Variants in CDYL observed in about 807,000 individuals in gnomAD.
CDYL encodes the protein chromodomain Y-like protein.
A neutral mutation model predicts 47.3 loss-of-function variants in CDYL; 8 were observed. The observed-to-expected ratio is 0.17, with a 90% confidence interval of 0.10 to 0.31. The LOEUF (loss-of-function observed/expected upper bound fraction) is 0.31. Among genes scored for constraint, CDYL ranks in the 10% least tolerant of loss-of-function variants. The pLI is 1.00. For synonymous variants in CDYL, 266 were observed against 265.0 expected (o/e 1.00, Z -0.04); for missense variants, 471 against 701.4 (o/e 0.67, Z 3.71).
chr6:4,890,939 G>A (rs1762024712), intron 1 of CDYL, among the ~76,000 whole-genome samples: 2 of 152,196 alleles, frequency 1.3e-5, no homozygotes, highest in African/African-American at 4.8e-5. Flanking sequence ...TCGTTCATGT[G>A]AGTAGCGGAA....
chr6:4,950,964 G>A (rs1305206519), intron 5 of CDYL, among the ~76,000 whole-genome samples: 1 of 150,764 alleles, frequency 6.6e-6, no homozygotes, highest in African/African-American at 2.4e-5. Context: ...AAACCCTCAT[G>A]AGGAGCCTGT....
intron 3 of CDYL, among the ~76,000 whole-genome samples, chr6:4,741,525 A>T (rs918716946): frequency 3.9e-5 from 6 of 152,152 alleles, no homozygotes; most frequent in African/African-American, 1.4e-4. Context: ...ATAGTTCCAG[A>T]TGCTTGCTGA....
At chr6:4,735,710 G>A (rs919101597) in intron 3 of CDYL, among the ~76,000 whole-genome samples, 3 of 152,016 alleles carry the variant, frequency 2.0e-5, no homozygotes, top group African/African-American at 4.8e-5. Flanking sequence ...AGGTTGCGGC[G>A]AGCTGAGATC....
chr6:4,806,570 A>G (rs779306032), intron 1 of CDYL, among the ~76,000 whole-genome samples: 2 of 152,224 alleles, frequency 1.3e-5, no homozygotes, highest in African/African-American at 4.8e-5. Context: ...AAACCGGGAA[A>G]GTCTTTGGGA....
intron 2 of CDYL, among the ~76,000 whole-genome samples, chr6:4,897,300 AT>A (rs771241883): frequency 1.3e-5 from 2 of 152,244 alleles, no homozygotes; most frequent in African/African-American, 2.4e-5. Context: ...TGGCTTTTGG[AT>A]TTCATATTGA....
intron 2 of CDYL, among the ~76,000 whole-genome samples, chr6:4,716,808 G>C (rs930662112): frequency 6.6e-6 from 1 of 152,082 alleles, no homozygotes; most frequent in Non-Finnish European, 1.5e-5. Flanking sequence ...GGAGCAAGGT[G>C]CTTCAGGGTG....
intron 1 of CDYL, among the ~76,000 whole-genome samples, chr6:4,802,535 C>T (rs1414849970): frequency 6.6e-6 from 1 of 151,846 alleles, no homozygotes; most frequent in African/African-American, 2.4e-5. Flanking sequence ...TGAGACCCTA[C>T]CTCAAAAAAA....
chr6:4,859,636 T>A (rs966241757), intron 1 of CDYL, among the ~76,000 whole-genome samples: 3 of 152,224 alleles, frequency 2.0e-5, no homozygotes, highest in Non-Finnish European at 4.4e-5. Flanking sequence ...TTCTGCACAC[T>A]TGCTAAAGTT....
At chr6:4,907,104 G>T (rs1757261766) in intron 2 of CDYL, among the ~76,000 whole-genome samples, 1 of 152,212 alleles carries the variant, frequency 6.6e-6, no homozygotes, top group Admixed American at 6.5e-5. Context: ...AATCTTCAGA[G>T]TTGCACATTA....
At chr6:4,950,016 G>A (rs571802208) in intron 5 of CDYL, among the ~76,000 whole-genome samples, 25 of 152,244 alleles carry the variant, frequency 1.6e-4, no homozygotes, top group East Asian at 7.7e-4. Context: ...GCCTGGAGCC[G>A]GCGGGGCTGT....
chr6:4,869,113 C>G (rs570167042), intron 1 of CDYL, among the ~76,000 whole-genome samples: 1 of 141,258 alleles, frequency 7.1e-6, no homozygotes, highest in Non-Finnish European at 1.5e-5. Context: ...TTTTTTTTTT[C>G]GAGACGGAGT....
chr6:4,894,661 G>A (rs1762143945), intron 2 of CDYL, among the ~76,000 whole-genome samples: 1 of 152,042 alleles, frequency 6.6e-6, no homozygotes, highest in Admixed American at 6.5e-5. Context: ...CGTTGGCCAG[G>A]CTGGTCTCAA....
chr6:4,727,288 A>G (rs912549190), intron 2 of CDYL, among the ~76,000 whole-genome samples: 1 of 152,176 alleles, frequency 6.6e-6, no homozygotes, highest in African/African-American at 2.4e-5. Context: ...AGTTTGTCCA[A>G]AAGTGTCATA....
intron 2 of CDYL, among the ~76,000 whole-genome samples, chr6:4,902,251 A>G (rs1279102934): frequency 6.6e-6 from 1 of 151,428 alleles, no homozygotes; most frequent in African/African-American, 2.4e-5. Flanking sequence ...AAAAAAAAAT[A>G]CAAAATTAGC....
At chr6:4,794,907 G>A (rs1759027558) in intron 1 of CDYL, among the ~76,000 whole-genome samples, 1 of 151,898 alleles carries the variant, frequency 6.6e-6, no homozygotes, top group Admixed American at 6.6e-5. Flanking sequence ...TTGAAAAACT[G>A]TAATTTCTTT....
At chr6:4,746,549 G>C (rs1045812064) in intron 3 of CDYL, among the ~76,000 whole-genome samples, 8 of 152,156 alleles carry the variant, frequency 5.3e-5, no homozygotes, top group Non-Finnish European at 1.0e-4. Flanking sequence ...GAGGTGGAGA[G>C]ACCAGAGCTT....
chr6:4,907,495 T>C (rs144688311), intron 2 of CDYL, among the ~76,000 whole-genome samples: 2 of 152,274 alleles, frequency 1.3e-5, no homozygotes, highest in African/African-American at 4.8e-5. Flanking sequence ...TAGCCGGGAC[T>C]GCAGGCGTGC....
At chr6:4,931,356 G>A (rs1304586575) in intron 2 of CDYL, among the ~76,000 whole-genome samples, 3 of 152,216 alleles carry the variant, frequency 2.0e-5, no homozygotes, top group African/African-American at 7.2e-5. Flanking sequence ...GCAGGGACCA[G>A]CATTAGGATG....
intron 3 of CDYL, among the ~76,000 whole-genome samples, chr6:4,749,462 TGATG>T (rs962240615): frequency 8.0e-6 from 1 of 124,934 alleles, no homozygotes; most frequent in African/African-American, 2.5e-5. Context: ...GATGGATATG[TGATG>T]GATGGATGGA....
Sources: gnomAD v4.1 joint callset for allele counts (sites outside exome capture counted in the v4.1 genomes callset) on GRCh38, gnomAD v4.1.1 for gene constraint, MANE v1.5 for transcripts, NCBI Gene and HGNC (gene_info 2026-07-23, HGNC 2026-07-21) for gene names.